RSRP1: variants seen among roughly 807,000 people sequenced by gnomAD.
RSRP1 encodes arginine/serine-rich protein 1.
A neutral mutation model predicts 33.0 loss-of-function variants in RSRP1; 37 were observed. That is an observed-to-expected ratio of 1.12 (90% CI 0.86 to 1.48). RSRP1 has a LOEUF of 1.48. Ranked by LOEUF, RSRP1 falls within the 40% of genes most tolerant of loss-of-function variation. The probability of loss-of-function intolerance (pLI) is 0.00; values close to 1 mark genes in which losing one functional copy is unlikely to be tolerated. For synonymous variants in RSRP1, 167 were observed against 158.7 expected, an observed-to-expected ratio of 1.05 and a Z score of -0.40; for missense variants, 402 against 385.3, an observed-to-expected ratio of 1.04 and a Z score of -0.36.
At chr1:25,272,001 G>A (rs1463380010) in intron 1 of RSRP1, among the ~76,000 whole-genome samples, 2 of 131,730 alleles carry the variant, frequency 1.5e-5, no homozygotes, top group African/African-American at 2.6e-5. Context: ...TCAGTTCTAC[G>A]TGGGTCCTAT....
rs1341927674 is a variant in RSRP1 at position 25,306,044 on chromosome 1, A to G, written c.-67+31934T>C. ...GAAGGATTACTGAGTAGGGATCTGA[A>G]GGTGTGGCCTCATGCTTTCTTTCTA... is the stretch of plus-strand genomic sequence containing the variant. On this transcript the variant is annotated intron_variant, in intron 1 of 1. Coordinates refer to the RSRP1 transcript ENST00000561867. Among the ~76,000 whole-genome samples, 5 of 131,702 alleles carry G rather than the reference A, an allele frequency of 3.8e-5. 1 individual carries two copies. The highest frequency in any genetic ancestry group is 9.0e-5 in the Non-Finnish European group (5 of 55,824). 86.4% of individuals were successfully genotyped at this position (131,702 alleles called of 152,430 possible).
At chr1:25,311,701 C>T (rs1644157818) in intron 1 of RSRP1, among the ~76,000 whole-genome samples, 1 of 129,156 alleles carries the variant, frequency 7.7e-6, no homozygotes, top group African/African-American at 2.7e-5. Flanking sequence ...CCAGCTGCTG[C>T]CCAGGGCTGC....
rs564180295 is a variant in RSRP1 at position 25,301,833 on chromosome 1, G to C, written c.-67+36145C>G. Reference sequence around the variant, plus strand: ...TGCCTGCCTCTACAGTGGAGCTCTAGGTAGAATGCTGGGTGGTCACAGTGG... The same window carrying C: ...TGCCTGCCTCTACAGTGGAGCTCTACGTAGAATGCTGGGTGGTCACAGTGG... On this transcript the variant is annotated intron_variant, in intron 1 of 1. Coordinates refer to the RSRP1 transcript ENST00000561867. 2.4e-5 allele frequency: 17 copies of C among 702,282 alleles called. 3 individuals are homozygous for C. The Admixed American group carries it at 3.6e-4, about 15-fold the overall frequency. 43.5% of individuals were successfully genotyped at this position (702,282 alleles called of 1,614,324 possible).
intron 1 of RSRP1, chr1:25,329,216 G>C (rs1281251467): frequency 2.2e-5 from 10 of 446,582 alleles, no homozygotes; most frequent in African/African-American, 2.0e-4. Flanking sequence ...GTAAGCTAAG[G>C]TTAATTTATT....
At position 25,278,145 on chromosome 1, in the gene RSRP1, G is replaced by C. The variant is rs185754514; in HGVS notation, c.-66-31116C>G. Among the ~76,000 whole-genome samples the C allele has an allele frequency of 2.9e-3, 377 of 129,880 alleles. 47 individuals are homozygous for C. The highest frequency in any genetic ancestry group is 8.5e-3 in the African/African-American group (324 of 38,160). The allele number at this position is 129,880 out of a possible 152,430, so 85.2% of individuals were successfully genotyped here. On this transcript the variant is annotated intron_variant, in intron 1 of 1. Transcript: ENST00000561867. ...TGAGACCAGATGGGCAGGGGCAGTG[G>C]AGGAGATTCTAGAGATATTTAGGAG...
At chr1:25,323,423 C>T (rs1471265665) in intron 1 of RSRP1, among the ~76,000 whole-genome samples, 1 of 113,518 alleles carries the variant, frequency 8.8e-6, no homozygotes, top group Non-Finnish European at 2.1e-5. Context: ...CCAAAGGCAA[C>T]CACTGAACTA....
upstream of RSRP1, among the ~76,000 whole-genome samples, chr1:25,250,650 G>T (rs1639747009): frequency 6.6e-6 from 1 of 152,172 alleles, no homozygotes; most frequent in African/African-American, 2.4e-5. Context: ...TATCTGGGTA[G>T]GCCCAATCTA....
intron 1 of RSRP1, chr1:25,304,740 C>A (rs1296209696): frequency 2.3e-5 from 3 of 131,786 alleles, no homozygotes; most frequent in East Asian, 3.9e-4. Flanking sequence ...ATCAATACTT[C>A]GATTAACCAA....
rs368001781 is a variant in RSRP1, at chr1:25,264,376, A to T, written c.-66-17347T>A. Among the ~76,000 whole-genome samples the T allele has an allele frequency of 2.0e-5, 3 of 151,402 alleles. No individual in the cohort carries two copies. The East Asian group carries it at 5.8e-4, about 29-fold the overall frequency. The stretch of plus-strand genomic sequence containing the variant: ...TCTAGGCGAAGGTTTCCAAACCCCA[A>T]TTCTTGACTTCTGTGCACTCGCAGT... On this transcript the variant is annotated intron_variant, in intron 1 of 1. Transcript: ENST00000561867.
chr1:25,338,228 C>T (rs1161722124), upstream of RSRP1: 1 of 152,232 alleles, frequency 6.6e-6, no homozygotes, highest in African/African-American at 2.4e-5. Context: ...GAACCCAGCG[C>T]CCGGGCATGC....
In RSRP1 at chr1:25,287,674, T is replaced by C. The variant is rs1254035544; in HGVS notation, c.-66-40645A>G. The stretch of plus-strand genomic sequence containing the variant: ...TACTGATAACTTAGCAAATGGCTAT[T>C]GGAGCAAAAATGAAAATAAACGGAA... On this transcript the variant is annotated intron_variant, in intron 1 of 1. Coordinates refer to the RSRP1 transcript ENST00000561867. 3.0e-5 allele frequency among the ~76,000 whole-genome samples: 4 copies of C among 135,586 alleles called. 1 individual carries two copies. The highest frequency in any genetic ancestry group is 7.6e-5 in the African/African-American group (3 of 39,372). The allele number at this position is 135,586 out of a possible 152,430, so 88.9% of individuals were successfully genotyped here.
chr1:25,329,235 T>C (rs28378715), intron 1 of RSRP1: 12 of 525,732 alleles, frequency 2.3e-5, no homozygotes, highest in South Asian at 2.2e-5. Flanking sequence ...TTATTATTCC[T>C]TGTTTTTTTT....
At chr1:25,322,659 C>G (rs1161048566) in intron 1 of RSRP1, among the ~76,000 whole-genome samples, 2 of 127,370 alleles carry the variant, frequency 1.6e-5, no homozygotes, top group African/African-American at 2.7e-5. Context: ...GGTGACAGAG[C>G]GAGACTTTGC....
At chr1:25,296,598 C>G (rs1376011655) in intron 1 of RSRP1, among the ~76,000 whole-genome samples, 1 of 131,056 alleles carries the variant, frequency 7.6e-6, no homozygotes, top group African/African-American at 2.6e-5. Flanking sequence ...AATCTCATCT[C>G]GAATTGTAAT....
intron 1 of RSRP1, among the ~76,000 whole-genome samples, chr1:25,312,948 A>AAAAAAAAAAAAAAAAC (rs1557556998): frequency 2.7e-5 from 3 of 110,688 alleles, no homozygotes; most frequent in Non-Finnish European, 4.4e-5. Flanking sequence ...AAAAAAAAAA[A>AAAAAAAAAAAAAAAAC]AAAAAAACTT....
In RSRP1 at chr1:25,246,627, A is replaced by C. The variant is rs1639431405; in HGVS notation, c.337T>G (p.Ser113Ala). The change falls in exon 2 of 5, where the codon TCC becomes GCC. Residue 113 changes from serine to alanine, a missense_variant. Transcript: ENST00000243189. Reference sequence around the variant, plus strand: ...GAGCGCGACCTGCTACGGGACCGGGACCGGTACCGCGAAGGAGACCGGTAG... The same window carrying C: ...GAGCGCGACCTGCTACGGGACCGGGCCCGGTACCGCGAAGGAGACCGGTAG... ...RYYRSPSRYR[S>A]RSRSRSRSRG... 6.2e-7 allele frequency: 1 copy of C among 1,613,784 alleles called. No individual in the cohort carries two copies.
At position 25,300,891 on chromosome 1, in the gene RSRP1, C is replaced by T. The variant is rs1173928070; in HGVS notation, c.-67+37087G>A. On this transcript the variant is annotated intron_variant, in intron 1 of 1. Coordinates refer to the RSRP1 transcript ENST00000561867. ...GAACTTTCTCCAAGGACTATCAGGGCTTGCCCCGGGCAGAGGATGCCGACA... is the reference window on the plus strand; with the variant it reads ...GAACTTTCTCCAAGGACTATCAGGGTTTGCCCCGGGCAGAGGATGCCGACA... 19 of 1,362,610 alleles carry T rather than the reference C, an allele frequency of 1.4e-5. 2 individuals are homozygous for T. The African/African-American group carries it at 2.2e-4, about 16-fold the overall frequency. The allele number at this position is 1,362,610 out of a possible 1,614,324, so 84.4% of individuals were successfully genotyped here. A position where few individuals can be genotyped will look rare whatever the true frequency, so the allele number is the denominator to read the frequency against.
intron 1 of RSRP1, 63 bp from the exon 2 acceptor site, chr1:25,247,092 G>A: frequency 1.9e-6 from 2 of 1,047,778 alleles, no homozygotes; most frequent in Non-Finnish European, 2.6e-6. Flanking sequence ...CCACCCGGAA[G>A]CCACAGTCGG....
chr1:25,301,658 T>C, intron 1 of RSRP1: 1 of 1,380,218 alleles, frequency 7.2e-7, no homozygotes, highest in Non-Finnish European at 1.0e-6. Context: ...GGGTCATCCT[T>C]GGCTCACCCC....
Sources: gnomAD v4.1 joint callset for allele counts (sites outside exome capture counted in the v4.1 genomes callset) on GRCh38, gnomAD v4.1.1 for gene constraint, MANE v1.5 for transcripts, NCBI Gene and HGNC (gene_info 2026-07-23, HGNC 2026-07-21) for gene names.